The following ADCY5 variants were observed in gnomAD, a reference collection of about 807,000 sequenced individuals.
ADCY5 encodes adenylate cyclase 5.
Under a neutral mutation model 119.7 loss-of-function variants are expected in ADCY5, and 30 were observed. That is an observed-to-expected ratio of 0.25 (90% CI 0.19 to 0.34). The LOEUF (loss-of-function observed/expected upper bound fraction) is 0.34. Ranked by LOEUF, ADCY5 falls within the 10% of genes least tolerant of loss-of-function variation. The pLI, the probability that ADCY5 is intolerant of heterozygous loss-of-function variation, is 1.00. For synonymous variants in ADCY5, 753 were observed against 762.2 expected (o/e 0.99, Z 0.20); for missense variants, 1,324 against 1,775.2 (o/e 0.75, Z 4.57).
chr3:123,315,985 C>T (rs908368826), intron 11 of ADCY5, among the ~76,000 whole-genome samples: 4 of 152,186 alleles, frequency 2.6e-5, no homozygotes, highest in African/African-American at 9.6e-5. Flanking sequence ...GTGCAGGGGT[C>T]AACCAGGGTG....
chr3:123,384,887 G>A (rs1370949677), intron 1 of ADCY5, among the ~76,000 whole-genome samples: 1 of 152,142 alleles, frequency 6.6e-6, no homozygotes, highest in Non-Finnish European at 1.5e-5. Flanking sequence ...GGGGACAACA[G>A]GACTGTCAGA....
At chr3:123,309,671 A>G (rs1218034793) in intron 12 of ADCY5, among the ~76,000 whole-genome samples, 2 of 152,154 alleles carry the variant, frequency 1.3e-5, no homozygotes, top group Non-Finnish European at 2.9e-5. Flanking sequence ...AGAACCTACA[A>G]TATGCCTCCT....
intron 1 of ADCY5, among the ~76,000 whole-genome samples, chr3:123,378,330 C>A (rs556817602): frequency 6.6e-6 from 1 of 151,928 alleles, no homozygotes; most frequent in Non-Finnish European, 1.5e-5. Context: ...TTGACTCTAA[C>A]GTGCTATTCT....
intron 1 of ADCY5, among the ~76,000 whole-genome samples, chr3:123,361,301 T>C (rs1943238285): frequency 6.6e-6 from 1 of 152,218 alleles, no homozygotes; most frequent in Non-Finnish European, 1.5e-5. Context: ...TACTCTAGTG[T>C]AGCTTCCCTT....
chr3:123,328,164 T>TA (rs1161341418), intron 6 of ADCY5, among the ~76,000 whole-genome samples: 2 of 152,212 alleles, frequency 1.3e-5, no homozygotes, highest in African/African-American at 4.8e-5. Context: ...TAGCCGTCCC[T>TA]AAAAGGCCAT....
At position 123,328,564 on chromosome 3, in the gene ADCY5, C is replaced by T. The variant is rs1009336499; in HGVS notation, c.1805+80G>A. 9.8e-6 allele frequency: 15 copies of T among 1,534,442 alleles called. No individual in the cohort carries two copies. The African/African-American group carries it at 1.2e-4, about 12-fold the overall frequency. On this transcript the variant is annotated intron_variant, in intron 6 of 20. Coordinates refer to ENST00000462833, the MANE Select transcript of ADCY5 (RefSeq NM_183357.3). ...GCCCACCCCACCCTGCCCCGCCTCG[C>T]CTCTGCAGGATGGTCACCCTGGGTG...
intron 1 of ADCY5, among the ~76,000 whole-genome samples, chr3:123,381,166 G>A (rs764526674): frequency 2.0e-5 from 3 of 152,292 alleles, no homozygotes; most frequent in African/African-American, 4.8e-5. Flanking sequence ...TTATTGGAGC[G>A]CAGTAGTCTC....
intron 1 of ADCY5, among the ~76,000 whole-genome samples, chr3:123,384,790 A>G (rs1944162862): frequency 6.6e-6 from 1 of 152,144 alleles, no homozygotes; most frequent in African/African-American, 2.4e-5. Context: ...CTTGGGAAGC[A>G]TGAAGAGGCC....
intron 1 of ADCY5, among the ~76,000 whole-genome samples, chr3:123,383,039 C>T (rs1308183576): frequency 6.6e-6 from 1 of 152,066 alleles, no homozygotes; most frequent in Non-Finnish European, 1.5e-5. Context: ...TCCTCAGCCT[C>T]CCCCACCCCC....
chr3:123,296,975 C>A (rs1319749794), intron 16 of ADCY5: 1 of 1,535,704 alleles, frequency 6.5e-7, no homozygotes, highest in Non-Finnish European at 8.7e-7. Context: ...CACTGCAGCC[C>A]TCGCCTTTGT....
At chr3:123,430,235 G>C (rs990618251) in intron 1 of ADCY5, among the ~76,000 whole-genome samples, 1 of 152,186 alleles carries the variant, frequency 6.6e-6, no homozygotes, top group Admixed American at 6.5e-5. Flanking sequence ...GACACAGAGG[G>C]AAAACAAAGA....
chr3:123,337,621 C>G (rs1382150347), intron 3 of ADCY5, among the ~76,000 whole-genome samples: 1 of 152,228 alleles, frequency 6.6e-6, no homozygotes, highest in South Asian at 2.1e-4. Flanking sequence ...CAGGACTTCT[C>G]CCTGTGTGTC....
At chr3:123,310,987 C>G (rs1027387671) in intron 12 of ADCY5, among the ~76,000 whole-genome samples, 3 of 152,210 alleles carry the variant, frequency 2.0e-5, no homozygotes, top group Non-Finnish European at 4.4e-5. Flanking sequence ...TGCTCCCTGA[C>G]AGCCAGAGAA....
chr3:123,339,117 T>C (rs1266860028), intron 3 of ADCY5, among the ~76,000 whole-genome samples: 1 of 152,094 alleles, frequency 6.6e-6, no homozygotes, highest in African/African-American at 2.4e-5. Flanking sequence ...GAGCTGAAGG[T>C]GCCGGGGAAG....
intron 17 of ADCY5, among the ~76,000 whole-genome samples, chr3:123,293,738 AC>A (rs1291977663): frequency 2.0e-5 from 3 of 152,172 alleles, no homozygotes; most frequent in Non-Finnish European, 2.9e-5. Flanking sequence ...AGTGGTATGA[AC>A]TCAGGATTAT....
In ADCY5 at chr3:123,330,851, C is replaced by A. The variant is rs775671204; in HGVS notation, c.1646+38G>T. On this transcript the variant is annotated intron_variant, in intron 5 of 20. Coordinates refer to ENST00000462833, the MANE Select transcript of ADCY5 (RefSeq NM_183357.3). Reference sequence around the variant, plus strand: ...TCAGTCGCTCGGGCTGTGGACAGTCCCAGGGAGGGAGACGGTACCCGGGGG... The same window carrying A: ...TCAGTCGCTCGGGCTGTGGACAGTCACAGGGAGGGAGACGGTACCCGGGGG... 8.2e-6 allele frequency: 13 copies of A among 1,586,398 alleles called. 1 individual carries two copies. In the South Asian group the frequency reaches 1.3e-4, roughly 15 times the overall value.
intron 1 of ADCY5, among the ~76,000 whole-genome samples, chr3:123,401,873 T>A (rs1944764957): frequency 6.6e-6 from 1 of 152,102 alleles, no homozygotes; most frequent in African/African-American, 2.4e-5. Context: ...GACTCAGATG[T>A]CCCCCTAGAT....
chr3:123,411,222 T>C (rs1446669877), intron 1 of ADCY5, among the ~76,000 whole-genome samples: 4 of 152,178 alleles, frequency 2.6e-5, no homozygotes, highest in Non-Finnish European at 5.9e-5. Flanking sequence ...AAGGGCGTAC[T>C]AGTGCCTGCT....
At chr3:123,405,995 G>C (rs771966573) in intron 1 of ADCY5, among the ~76,000 whole-genome samples, 1 of 152,166 alleles carries the variant, frequency 6.6e-6, no homozygotes. Flanking sequence ...TGGAGGGACC[G>C]ACTGCTCTTC....
Sources: allele counts gnomAD v4.1 joint callset (sites outside exome capture counted in the v4.1 genomes callset), GRCh38; gene constraint gnomAD v4.1.1; transcripts MANE v1.5; gene names NCBI Gene and HGNC (gene_info 2026-07-23, HGNC 2026-07-21).